LRRC20: variants seen among roughly 807,000 people sequenced by gnomAD.
LRRC20 encodes the protein leucine-rich repeat-containing protein 20.
LRRC20 carries 11 observed loss-of-function variants against 14.4 expected under a neutral mutation model. That is an observed-to-expected ratio of 0.77 (90% CI 0.48 to 1.27). The LOEUF (loss-of-function observed/expected upper bound fraction) is 1.27. Ranked by LOEUF, LRRC20 falls within the 50% of genes most tolerant of loss-of-function variation. The probability of loss-of-function intolerance (pLI) is 0.00; values close to 1 mark genes in which losing one functional copy is unlikely to be tolerated. For missense variants in LRRC20, 219 were observed against 251.2 expected (o/e 0.87, Z 0.87); for synonymous variants, 121 against 107.3 (o/e 1.13, Z -0.79).
At chr10:70,334,315 C>A (rs960387396) in intron 3 of LRRC20, among the ~76,000 whole-genome samples, 1 of 152,106 alleles carries the variant, frequency 6.6e-6, no homozygotes. Flanking sequence ...CACTAAGTAA[C>A]ATCAGCTATT....
chr10:70,320,332 T>C (rs1056650871), intron 4 of LRRC20, among the ~76,000 whole-genome samples: 2 of 152,094 alleles, frequency 1.3e-5, no homozygotes, highest in African/African-American at 2.4e-5. Context: ...GATAGATAGA[T>C]AGATAGATAG....
At position 70,355,573 on chromosome 10, in the gene LRRC20, C is replaced by T. The variant is rs114410306; in HGVS notation, c.83-14871G>A. Among the ~76,000 whole-genome samples the T allele has an allele frequency of 3.8e-3, 580 of 152,292 alleles. 4 individuals are homozygous for T. Among genetic ancestry groups the T allele is most frequent in the African/African-American group, 0.013 (561 of 41,562 alleles). ...GCGCGTCTTCTGAGACGTGGGGAAA[C>T]CACTCAACTTGAAAGTGCCAGTGGG... On this transcript the variant is annotated intron_variant, in intron 2 of 4. Coordinates refer to ENST00000446961, the MANE Select transcript of LRRC20 (RefSeq NM_001278212.2).
At chr10:70,330,902 G>A (rs1357143608) in intron 3 of LRRC20, among the ~76,000 whole-genome samples, 1 of 152,226 alleles carries the variant, frequency 6.6e-6, no homozygotes, top group Non-Finnish European at 1.5e-5. Context: ...CTTAGCATTA[G>A]CTGAGAAGCA....
chr10:70,315,030 C>A (rs1841804473), intron 4 of LRRC20, among the ~76,000 whole-genome samples: 1 of 152,136 alleles, frequency 6.6e-6, no homozygotes, highest in African/African-American at 2.4e-5. Context: ...GATGGAGTGA[C>A]CTTGGCCAAG....
Position 70,326,553 on chromosome 10 carries a change from G to A in LRRC20, c.233-2523C>T, listed in dbSNP as rs79668046. On this transcript the variant is annotated intron_variant, in intron 3 of 4. Coordinates refer to ENST00000446961, the MANE Select transcript of LRRC20 (RefSeq NM_001278212.2). ...CTTCCATTTTTCCATCTTCAGGGAC[G>A]TCGGAACCCAAGGTTCCATCAACAG... Among the ~76,000 whole-genome samples, 284 of 152,300 alleles carry A rather than the reference G, an allele frequency of 1.9e-3. 1 individual carries two copies. The highest frequency in any genetic ancestry group is 6.7e-3 in the African/African-American group (277 of 41,566).
intron 2 of LRRC20, among the ~76,000 whole-genome samples, chr10:70,347,098 C>T (rs1843100688): frequency 6.6e-6 from 1 of 152,168 alleles, no homozygotes; most frequent in South Asian, 2.1e-4. Flanking sequence ...GCTGCCCAGG[C>T]TGGTCTTGAA....
At chr10:70,365,733 A>G (rs1030656077) in intron 2 of LRRC20, among the ~76,000 whole-genome samples, 7 of 151,910 alleles carry the variant, frequency 4.6e-5, no homozygotes, top group Admixed American at 2.6e-4. Flanking sequence ...AGAAAACCCA[A>G]TGTTTTTTAA....
At chr10:70,328,534 T>C (rs1842412271) in intron 3 of LRRC20, among the ~76,000 whole-genome samples, 1 of 152,056 alleles carries the variant, frequency 6.6e-6, no homozygotes, top group African/African-American at 2.4e-5. Flanking sequence ...TGACCACAGG[T>C]GATACACCCG....
At chr10:70,314,677 A>C (rs1341561515) in intron 4 of LRRC20, among the ~76,000 whole-genome samples, 2 of 151,718 alleles carry the variant, frequency 1.3e-5, no homozygotes, top group African/African-American at 2.4e-5. Flanking sequence ...AGATAGTTTG[A>C]GCATCGCTGG....
intron 4 of LRRC20, among the ~76,000 whole-genome samples, chr10:70,321,047 T>G (rs1842060736): frequency 6.6e-6 from 1 of 152,166 alleles, no homozygotes; most frequent in Admixed American, 6.5e-5. Flanking sequence ...TGGCTGTCCT[T>G]CTGATTCACT....
intron 4 of LRRC20, among the ~76,000 whole-genome samples, chr10:70,322,293 C>T (rs1034291588): frequency 4.6e-5 from 7 of 152,208 alleles, no homozygotes; most frequent in South Asian, 2.1e-4. Context: ...CCTGTCTACC[C>T]GCTGCACACC....
intron 4 of LRRC20, among the ~76,000 whole-genome samples, chr10:70,307,173 G>A (rs1163510570): frequency 2.6e-5 from 4 of 152,206 alleles, no homozygotes; most frequent in South Asian, 2.1e-4. Context: ...TGACTAAGCC[G>A]TGTTTTACAT....
At chr10:70,373,177 G>A (rs538902335) in intron 2 of LRRC20, among the ~76,000 whole-genome samples, 1 of 152,258 alleles carries the variant, frequency 6.6e-6, no homozygotes, top group South Asian at 2.1e-4. Flanking sequence ...TAGATGTTTA[G>A]GATGCTTCAG....
chr10:70,327,874 T>C (rs1052395848), intron 3 of LRRC20, among the ~76,000 whole-genome samples: 16 of 152,222 alleles, frequency 1.1e-4, no homozygotes, highest in Non-Finnish European at 2.1e-4. Flanking sequence ...TCCTGTCTCA[T>C]GGGCTCTGCA....
intron 3 of LRRC20, among the ~76,000 whole-genome samples, chr10:70,330,822 C>T (rs1177100332): frequency 6.6e-6 from 1 of 152,146 alleles, no homozygotes; most frequent in African/African-American, 2.4e-5. Context: ...AAGCTGCCTG[C>T]GTCACAAGCT....
intron 2 of LRRC20, among the ~76,000 whole-genome samples, chr10:70,343,693 G>A (rs940892258): frequency 6.6e-6 from 1 of 152,214 alleles, no homozygotes. Flanking sequence ...CAAACAACAA[G>A]CCCTCTAGTG....
intron 2 of LRRC20, among the ~76,000 whole-genome samples, chr10:70,341,655 C>G (rs1370610142): frequency 6.6e-6 from 1 of 152,146 alleles, no homozygotes; most frequent in East Asian, 1.9e-4. Flanking sequence ...GTAATCCCAG[C>G]TACTCACAAG....
rs1223294477 is a variant in LRRC20, at chr10:70,301,103, G to A, written c.*251C>T. The A allele has an allele frequency of 6.9e-6, 9 of 1,312,248 alleles. No homozygotes were observed. In the African/African-American group the frequency reaches 1.2e-4, roughly 18 times the overall value. 81.3% of individuals were successfully genotyped at this position (1,312,248 alleles called of 1,614,324 possible). On this transcript the variant is annotated 3_prime_UTR_variant, in exon 5 of 5. Coordinates refer to ENST00000446961, the MANE Select transcript of LRRC20 (RefSeq NM_001278212.2). ...AAGGCTCAGAGAGGGCAGGAGATCT[G>A]CCTGAGTTTGCACAGCAGCTGTGAG...
At chr10:70,340,499 C>A (rs1842872252) in intron 3 of LRRC20, 54 bp downstream of exon 3, 1 of 1,607,316 alleles carries the variant, frequency 6.2e-7, no homozygotes, top group Admixed American at 1.7e-5. Context: ...AGGGTCAGAG[C>A]CTGAACGATG....
Sources: gnomAD v4.1 joint callset for allele counts (sites outside exome capture counted in the v4.1 genomes callset) on GRCh38, gnomAD v4.1.1 for gene constraint, MANE v1.5 for transcripts, NCBI Gene and HGNC (gene_info 2026-07-23, HGNC 2026-07-21) for gene names.